The following LRP1B variants were observed in gnomAD, a reference collection of about 807,000 sequenced individuals.
LRP1B encodes LDL receptor related protein 1B, also known as low-density lipoprotein receptor-related protein 1B.
Under a neutral mutation model 556.6 loss-of-function variants are expected in LRP1B, and 217 were observed. That is an observed-to-expected ratio of 0.39 (90% CI 0.35 to 0.44). The LOEUF is 0.44. Among genes scored for constraint, LRP1B ranks in the 20% least tolerant of loss-of-function variants. LRP1B has a pLI of 1.00. For synonymous variants in LRP1B, 2,047 were observed against 1,865.8 expected, an observed-to-expected ratio of 1.10 and a Z score of -2.50; for missense variants, 5,053 against 5,620.8, an observed-to-expected ratio of 0.90 and a Z score of 3.23.
intron 3 of LRP1B, among the ~76,000 whole-genome samples, chr2:141,351,956 A>T (rs1399826715): frequency 6.6e-6 from 1 of 151,814 alleles, no homozygotes; most frequent in Non-Finnish European, 1.5e-5. Context: ...AAAACATCCT[A>T]GAGACATGAG....
Position 140,656,022 on chromosome 2 carries a change from C to CA in LRP1B, c.6799+44227dup, listed in dbSNP as rs551336603. Among the ~76,000 whole-genome samples, 22 of 152,192 alleles carry CA rather than the reference C, an allele frequency of 1.4e-4. No individual in the cohort carries two copies. In the South Asian group the frequency reaches 4.4e-3, roughly 30 times the overall value. ...ATTCCCAAAGGAAACAAGACACATT[C>CA]AAGTGGTTTAAGTGGTACATAGGGG... On this transcript the variant is annotated intron_variant, in intron 41 of 90. Coordinates refer to ENST00000389484, the MANE Select transcript of LRP1B (RefSeq NM_018557.3).
chr2:141,504,129 C>G (rs6717454), intron 2 of LRP1B, among the ~76,000 whole-genome samples: 11,996 of 152,112 alleles, frequency 0.079, 554 homozygotes, highest in South Asian at 0.13. Flanking sequence ...TGCTTGCTGA[C>G]ACACTCGTAT....
chr2:140,341,898 G>A (rs189733330), intron 77 of LRP1B, among the ~76,000 whole-genome samples: 1 of 151,446 alleles, frequency 6.6e-6, no homozygotes, highest in East Asian at 2.0e-4. Flanking sequence ...TGGGTCTGGG[G>A]TGGATAGACA....
chr2:140,635,061 T>C (rs1278773441), intron 41 of LRP1B, among the ~76,000 whole-genome samples: 1 of 152,116 alleles, frequency 6.6e-6, no homozygotes, highest in African/African-American at 2.4e-5. Context: ...AGCCTCTCAG[T>C]ACCATCTTCT....
At chr2:141,756,925 A>G (rs920827470) in intron 2 of LRP1B, among the ~76,000 whole-genome samples, 1 of 152,184 alleles carries the variant, frequency 6.6e-6, no homozygotes, top group Admixed American at 6.6e-5. Context: ...CTGTATATAC[A>G]TATATAAAAA....
chr2:141,646,229 T>C (rs565857816), intron 2 of LRP1B, among the ~76,000 whole-genome samples: 2 of 152,306 alleles, frequency 1.3e-5, no homozygotes, highest in Non-Finnish European at 1.5e-5. Context: ...GAGAATTCCA[T>C]GTTTGTATTG....
At chr2:141,894,843 A>C (rs2104921563) in intron 1 of LRP1B, among the ~76,000 whole-genome samples, 1 of 152,116 alleles carries the variant, frequency 6.6e-6, no homozygotes, top group Admixed American at 6.5e-5. Context: ...TTAAGTTGGG[A>C]GTTCGAGACC....
chr2:140,308,645 ACT>A (rs1684165429), intron 83 of LRP1B, among the ~76,000 whole-genome samples: 4 of 151,670 alleles, frequency 2.6e-5, no homozygotes, highest in African/African-American at 9.7e-5. Context: ...TGTATATCTA[ACT>A]AGTTTTATGT....
At chr2:140,495,927 G>C (rs1304389855) in intron 55 of LRP1B, among the ~76,000 whole-genome samples, 179 bp from the exon 56 acceptor site, 2 of 152,130 alleles carry the variant, frequency 1.3e-5, no homozygotes, top group Non-Finnish European at 2.9e-5. Flanking sequence ...TAGTTAGAAA[G>C]CACTCTCCCA....
intron 11 of LRP1B, among the ~76,000 whole-genome samples, chr2:141,041,719 T>C (rs1698705724): frequency 6.6e-6 from 1 of 152,094 alleles, no homozygotes; most frequent in African/African-American, 2.4e-5. Flanking sequence ...TTTCAAAACA[T>C]TACAAAGAAG....
intron 71 of LRP1B, among the ~76,000 whole-genome samples, chr2:140,367,536 C>T (rs1558833422): frequency 6.6e-6 from 1 of 151,694 alleles, no homozygotes; most frequent in Non-Finnish European, 1.5e-5. Context: ...TGCTGAGCTC[C>T]ATACTGCTGT....
intron 2 of LRP1B, among the ~76,000 whole-genome samples, chr2:141,507,468 A>C (rs527370776): frequency 2.0e-5 from 3 of 152,308 alleles, no homozygotes; most frequent in Admixed American, 2.0e-4. Flanking sequence ...TATCTGTGTG[A>C]GGAAAGGATA....
chr2:141,873,976 T>C (rs971556574), intron 1 of LRP1B, among the ~76,000 whole-genome samples: 1 of 151,650 alleles, frequency 6.6e-6, no homozygotes, highest in African/African-American at 2.4e-5. Context: ...AAGCAATATT[T>C]ATACACCATC....
chr2:141,100,442 C>A (rs1334668558), intron 7 of LRP1B, among the ~76,000 whole-genome samples: 1 of 152,126 alleles, frequency 6.6e-6, no homozygotes, highest in Non-Finnish European at 1.5e-5. Context: ...ACACCTTTTC[C>A]CTGTCTCCAT....
chr2:141,004,404 C>T (rs958878156), intron 15 of LRP1B, among the ~76,000 whole-genome samples: 3 of 151,968 alleles, frequency 2.0e-5, no homozygotes, highest in African/African-American at 7.2e-5. Flanking sequence ...ACGTCAACTG[C>T]CTGATTATTT....
At chr2:141,655,058 G>A (rs966256199) in intron 2 of LRP1B, among the ~76,000 whole-genome samples, 1 of 152,106 alleles carries the variant, frequency 6.6e-6, no homozygotes, top group Non-Finnish European at 1.5e-5. Context: ...GTGTTTTGTG[G>A]AAATACTCTA....
intron 3 of LRP1B, among the ~76,000 whole-genome samples, chr2:141,329,805 G>C (rs192108333): frequency 1.5e-3 from 230 of 152,220 alleles, no homozygotes; most frequent in Middle Eastern, 6.8e-3. Flanking sequence ...GAGAGTTCTT[G>C]CTTGTTTAAA....
intron 1 of LRP1B, among the ~76,000 whole-genome samples, chr2:142,073,974 A>G (rs562539542): frequency 9.2e-5 from 14 of 152,124 alleles, no homozygotes; most frequent in African/African-American, 2.4e-4. Context: ...TCGTGAGCCA[A>G]TTAAATCTCT....
rs554606487 is a variant in LRP1B, at chr2:140,545,932, C to T, written c.7195-3961G>A. On this transcript the variant is annotated intron_variant, in intron 43 of 90. Coordinates refer to ENST00000389484, the MANE Select transcript of LRP1B (RefSeq NM_018557.3). ...CATTTACTTGTGTCACCTCCGACTT[C>T]ATTGAGCAGTGTTTTGTAGTACTCC... is the stretch of plus-strand genomic sequence containing the variant. Among the ~76,000 whole-genome samples the T allele has an allele frequency of 7.3e-5, 11 of 151,654 alleles. No homozygotes were observed. In the South Asian group the frequency reaches 1.7e-3, roughly 23 times the overall value.
Sources: allele counts gnomAD v4.1 joint callset (sites outside exome capture counted in the v4.1 genomes callset), GRCh38; gene constraint gnomAD v4.1.1; transcripts MANE v1.5; gene names NCBI Gene and HGNC (gene_info 2026-07-23, HGNC 2026-07-21).